COMMD10: variants seen among roughly 807,000 people sequenced by gnomAD.
COMMD10 encodes the protein COMM domain-containing protein 10.
In COMMD10, 33 loss-of-function variants were observed where a neutral mutation model predicts 28.9. That is an observed-to-expected ratio of 1.14 (90% CI 0.87 to 1.53). COMMD10 has a LOEUF of 1.53. Ranked by LOEUF, COMMD10 falls within the 40% of genes most tolerant of loss-of-function variation. The pLI is 0.00. For synonymous variants in COMMD10, 110 were observed against 81.7 expected, an observed-to-expected ratio of 1.35 and a Z score of -1.87; for missense variants, 310 against 233.4, an observed-to-expected ratio of 1.33 and a Z score of -2.14.
At chr5:116,241,761 C>T (rs948038981) in intron 5 of COMMD10, among the ~76,000 whole-genome samples, 5 of 151,926 alleles carry the variant, frequency 3.3e-5, no homozygotes, top group African/African-American at 7.2e-5. Flanking sequence ...TACAGGCGCC[C>T]GCCACCACGC....
At chr5:116,101,773 T>C (rs2416426) in intron 4 of COMMD10, among the ~76,000 whole-genome samples, 78,159 of 152,142 alleles carry the variant, frequency 0.51, 22,277 homozygotes, top group Non-Finnish European at 0.65. Context: ...TGATAGCTCA[T>C]TGTGGCTTTG....
intron 5 of COMMD10, among the ~76,000 whole-genome samples, chr5:116,178,568 TAACG>T (rs1404184506): frequency 6.6e-6 from 1 of 152,122 alleles, no homozygotes; most frequent in Non-Finnish European, 1.5e-5. Flanking sequence ...ATAACTATAA[TAACG>T]GGGATGATGC....
chr5:116,178,694 C>G (rs554993723), intron 5 of COMMD10, among the ~76,000 whole-genome samples: 2 of 152,002 alleles, frequency 1.3e-5, no homozygotes, highest in Non-Finnish European at 1.5e-5. Context: ...ACTTTCTAGC[C>G]TAGATGGGCC....
At chr5:116,134,869 C>G (rs190219097) in intron 5 of COMMD10, among the ~76,000 whole-genome samples, 1 of 152,154 alleles carries the variant, frequency 6.6e-6, no homozygotes, top group South Asian at 2.1e-4. Context: ...GATCCACCCC[C>G]CTCAGCCTCC....
At chr5:116,194,282 C>G (rs772262601) in intron 5 of COMMD10, among the ~76,000 whole-genome samples, 5 of 151,912 alleles carry the variant, frequency 3.3e-5, no homozygotes, top group Admixed American at 6.6e-5. Context: ...AAGAACAAAC[C>G]AAACCCAAAC....
At chr5:116,189,406 G>T (rs1748269713) in intron 5 of COMMD10, among the ~76,000 whole-genome samples, 1 of 152,118 alleles carries the variant, frequency 6.6e-6, no homozygotes, top group Admixed American at 6.5e-5. Context: ...ATTCTCAGCA[G>T]AGGCTTCCTA....
intron 5 of COMMD10, among the ~76,000 whole-genome samples, chr5:116,147,280 A>G (rs1227849148): frequency 1.3e-5 from 2 of 151,890 alleles, no homozygotes; most frequent in Non-Finnish European, 2.9e-5. Flanking sequence ...AACTAGGGTC[A>G]TTGATGAACA....
chr5:116,215,477 A>G (rs1310825899), intron 5 of COMMD10, among the ~76,000 whole-genome samples: 2 of 151,610 alleles, frequency 1.3e-5, no homozygotes, highest in Admixed American at 1.3e-4. Flanking sequence ...TCATGAGGCC[A>G]GGAGATCAAG....
chr5:116,176,239 G>C (rs1432589775), intron 5 of COMMD10, among the ~76,000 whole-genome samples: 1 of 152,170 alleles, frequency 6.6e-6, no homozygotes, highest in Non-Finnish European at 1.5e-5. Flanking sequence ...AGCCTCCTGA[G>C]TAGCTGAGAT....
intron 5 of COMMD10, among the ~76,000 whole-genome samples, chr5:116,172,119 C>A (rs1039480797): frequency 6.6e-6 from 1 of 152,070 alleles, no homozygotes; most frequent in African/African-American, 2.4e-5. Flanking sequence ...TCTTTCAGCC[C>A]AGCAACTTTA....
chr5:116,143,721 C>G (rs528694077), intron 5 of COMMD10, among the ~76,000 whole-genome samples: 7 of 151,876 alleles, frequency 4.6e-5, no homozygotes, highest in African/African-American at 1.7e-4. Flanking sequence ...GACATCTGGA[C>G]AAGTAAAATG....
intron 4 of COMMD10, among the ~76,000 whole-genome samples, chr5:116,099,650 G>A (rs1410888318): frequency 1.3e-5 from 2 of 152,038 alleles, no homozygotes; most frequent in Non-Finnish European, 2.9e-5. Context: ...ACGATGTAAC[G>A]TCATGTTGTA....
chr5:116,247,318 C>T (rs1276297169), intron 5 of COMMD10, among the ~76,000 whole-genome samples: 2 of 151,864 alleles, frequency 1.3e-5, no homozygotes, highest in African/African-American at 2.4e-5. Context: ...CAAAAAATAA[C>T]AGATGTTGGT....
In COMMD10 at chr5:116,292,752, A is replaced by G; in HGVS notation, c.*263A>G. The G allele has an allele frequency of 2.4e-6, 1 of 411,610 alleles. No individual in the cohort carries two copies. The highest frequency in any genetic ancestry group is 4.3e-5 in the Admixed American group (1 of 23,276). 25.5% of individuals were successfully genotyped at this position (411,610 alleles called of 1,614,324 possible). Reference sequence around the variant, plus strand: ...TAAAGGAAACAAAAGTGAATACCATATTGTTTTTACTGTCATAGTGTTGCT... The same window carrying G: ...TAAAGGAAACAAAAGTGAATACCATGTTGTTTTTACTGTCATAGTGTTGCT... On this transcript the variant is annotated 3_prime_UTR_variant, in exon 7 of 7. Coordinates refer to ENST00000274458, the MANE Select transcript of COMMD10 (RefSeq NM_016144.4).
chr5:116,119,519 C>T (rs1751352729), intron 4 of COMMD10, among the ~76,000 whole-genome samples: 1 of 151,898 alleles, frequency 6.6e-6, no homozygotes, highest in Non-Finnish European at 1.5e-5. Context: ...TAGGCAGTCA[C>T]TTGGATATGG....
In COMMD10 at chr5:116,277,653, G is replaced by A. The variant is rs564585423; in HGVS notation, c.511-13864G>A. ...ATAACTTGAGGTAAATGCTGAACTTGCCCTTTTTAATTTGTTGAAACAGAG... is the reference window on the plus strand; with the variant it reads ...ATAACTTGAGGTAAATGCTGAACTTACCCTTTTTAATTTGTTGAAACAGAG... On this transcript the variant is annotated intron_variant, in intron 5 of 6. Transcript: ENST00000274458. 7.4e-4 allele frequency among the ~76,000 whole-genome samples: 113 copies of A among 151,784 alleles called. 1 individual carries two copies. The highest frequency in any genetic ancestry group is 1.3e-3 in the Non-Finnish European group (90 of 67,984).
chr5:116,101,064 G>T, intron 4 of COMMD10, among the ~76,000 whole-genome samples: 1 of 152,188 alleles, frequency 6.6e-6, no homozygotes, highest in East Asian at 1.9e-4. Context: ...TGCTGCAAAA[G>T]ATATGATTCT....
At chr5:116,127,535 G>A (rs28661323) in intron 4 of COMMD10, among the ~76,000 whole-genome samples, 16,411 of 152,006 alleles carry the variant, frequency 0.11, 985 homozygotes, top group African/African-American at 0.15. Flanking sequence ...CCAAATTTCC[G>A]TCAATGATAG....
At chr5:116,172,095 G>C (rs1490487791) in intron 5 of COMMD10, among the ~76,000 whole-genome samples, 3 of 152,060 alleles carry the variant, frequency 2.0e-5, no homozygotes, top group South Asian at 2.1e-4. Context: ...ATAACCAAAG[G>C]CTGGAAAAAT....
Sources: allele counts gnomAD v4.1 joint callset (sites outside exome capture counted in the v4.1 genomes callset), GRCh38; gene constraint gnomAD v4.1.1; transcripts MANE v1.5; gene names NCBI Gene and HGNC (gene_info 2026-07-23, HGNC 2026-07-21).